The following JAKMIP2 variants were observed in gnomAD, a reference collection of about 807,000 sequenced individuals.
The protein encoded by JAKMIP2 is janus kinase and microtubule-interacting protein 2.
Under a neutral mutation model 115.0 loss-of-function variants are expected in JAKMIP2, and 25 were observed. That is an observed-to-expected ratio of 0.22 (90% confidence interval 0.16 to 0.30). JAKMIP2 has a LOEUF of 0.30. JAKMIP2 is among the 10% of genes least tolerant of loss of function. JAKMIP2 has a pLI of 1.00. For missense variants in JAKMIP2, 642 were observed against 957.6 expected (o/e 0.67, Z 4.35); for synonymous variants, 334 against 343.6 (o/e 0.97, Z 0.31).
Position 147,620,718 on chromosome 5 carries a change from T to G in JAKMIP2, c.2090A>C (p.Tyr697Ser). The change falls in exon 18 of 22, where the codon TAT becomes TCT. Residue 697 changes from tyrosine (Y) to serine (S), a missense_variant. Tyr to Ser is a moderately radical substitution (Grantham distance 144). This residue lies in a region of JAKMIP2 where 68 missense variants were observed against 104.6 expected (regional missense o/e 0.65). Coordinates refer to ENST00000616793, the MANE Select transcript of JAKMIP2 (RefSeq NM_001270941.2). ...DMEQFCKIKG[Y>S]LEEELDYRKQ... ...TCTGTAGTCTAGTTCTTCCTCCAGA[T>G]AGCCTTTTATTTTGCAGAACTGTTC... The G allele has an allele frequency of 6.2e-7, 1 of 1,613,670 alleles. No homozygotes were observed. The highest frequency in any genetic ancestry group is 8.5e-7 in the Non-Finnish European group (1 of 1,179,724).
chr5:147,734,546 A>C (rs1415226493), intron 1 of JAKMIP2, among the ~76,000 whole-genome samples: 1 of 151,740 alleles, frequency 6.6e-6, no homozygotes, highest in Non-Finnish European at 1.5e-5. Flanking sequence ...GAAATACCTA[A>C]TGTTGATGAC....
At chr5:147,757,522 G>C (rs537504143) in intron 1 of JAKMIP2, among the ~76,000 whole-genome samples, 146 of 152,170 alleles carry the variant, frequency 9.6e-4, no homozygotes, top group African/African-American at 3.3e-3. Flanking sequence ...ACTGGTTCTG[G>C]AGTCTAATCG....
intron 1 of JAKMIP2, among the ~76,000 whole-genome samples, chr5:147,773,789 C>T (rs899779186): frequency 1.3e-5 from 2 of 152,072 alleles, no homozygotes; most frequent in Non-Finnish European, 2.9e-5. Context: ...TTTCCCTTGT[C>T]GTAGGCTAAT....
At chr5:147,743,853 G>GCTC (rs903896902) in intron 1 of JAKMIP2, among the ~76,000 whole-genome samples, 5 of 152,078 alleles carry the variant, frequency 3.3e-5, no homozygotes, top group African/African-American at 4.8e-5. Flanking sequence ...ATTGAAATAT[G>GCTC]CTCCTCTGTG....
At chr5:147,754,248 G>A (rs186052032) in intron 1 of JAKMIP2, among the ~76,000 whole-genome samples, 2 of 152,174 alleles carry the variant, frequency 1.3e-5, no homozygotes, top group African/African-American at 4.8e-5. Flanking sequence ...TAAAGCAAGA[G>A]GATGTTTGAA....
chr5:147,615,291 G>T (rs921519276), intron 19 of JAKMIP2, among the ~76,000 whole-genome samples: 9 of 152,138 alleles, frequency 5.9e-5, no homozygotes, highest in African/African-American at 2.2e-4. Flanking sequence ...GAATGGGTTG[G>T]ATCTTAAACT....
At chr5:147,718,760 A>G (rs976439390) in intron 1 of JAKMIP2, among the ~76,000 whole-genome samples, 3 of 152,076 alleles carry the variant, frequency 2.0e-5, no homozygotes, top group Non-Finnish European at 4.4e-5. Context: ...TAGTCTTGCT[A>G]GCAGTCTATC....
At position 147,645,042 on chromosome 5, in the gene JAKMIP2, T is replaced by G. The variant is rs748314909; in HGVS notation, c.937-46A>C. The G allele has an allele frequency of 3.1e-6, 5 of 1,599,244 alleles. No homozygotes were observed. In the East Asian group the frequency reaches 9.0e-5, roughly 29 times the overall value. On this transcript the variant is annotated intron_variant, in intron 5 of 21. Coordinates refer to ENST00000616793, the MANE Select transcript of JAKMIP2 (RefSeq NM_001270941.2). ...ATTTGTGTCTTGCGTTTGGGGGACG[T>G]GGGGGCAGGGGAGTAAAGTGGTGGG...
rs10067083 is a variant in JAKMIP2, at chr5:147,745,793, A to G, written c.-149+36663T>C. ...TACATGATACATGGCATTAACTTCA[A>G]TGTTTGGACTTTAGTTAATTTATTT... On this transcript the variant is annotated intron_variant, in intron 1 of 21. Coordinates refer to ENST00000616793, the MANE Select transcript of JAKMIP2 (RefSeq NM_001270941.2). Among the ~76,000 whole-genome samples the G allele has an allele frequency of 7.8e-3, 1,194 of 152,224 alleles. 11 individuals are homozygous for G. Among genetic ancestry groups the G allele is most frequent in the African/African-American group, 0.026 (1,100 of 41,524 alleles).
intron 3 of JAKMIP2, among the ~76,000 whole-genome samples, chr5:147,657,228 C>T (rs556897838): frequency 2.6e-5 from 4 of 152,256 alleles, no homozygotes; most frequent in South Asian, 2.1e-4. Context: ...TGCAGTGAGC[C>T]GAGATCGCGC....
At chr5:147,606,118 C>T (rs957290614) in intron 20 of JAKMIP2, among the ~76,000 whole-genome samples, 1 of 152,132 alleles carries the variant, frequency 6.6e-6, no homozygotes, top group Non-Finnish European at 1.5e-5. Flanking sequence ...AAAATTCCCT[C>T]CCATTCTGTA....
Position 147,646,100 on chromosome 5 carries a change from G to A in JAKMIP2, c.937-1104C>T, listed in dbSNP as rs569802493. On this transcript the variant is annotated intron_variant, in intron 5 of 21. Transcript: ENST00000616793. ...TATTTGAGAAGACTTTTTAAAGTGC[G>A]CACTACTGTTCTTGAGATTCTAAGA... 1.1e-4 allele frequency among the ~76,000 whole-genome samples: 17 copies of A among 152,256 alleles called. 1 individual carries two copies. The highest frequency in any genetic ancestry group is 3.4e-4 in the African/African-American group (14 of 41,556).
chr5:147,764,965 AGGGGG>A (rs1656256417), intron 1 of JAKMIP2, among the ~76,000 whole-genome samples: 8 of 44,508 alleles, frequency 1.8e-4, no homozygotes, highest in South Asian at 1.9e-3. Context: ...AGAGAGAGAG[AGGGGG>A]AGAGAGAGAG....
chr5:147,634,081 C>A (rs1335990560), intron 12 of JAKMIP2, among the ~76,000 whole-genome samples: 1 of 152,194 alleles, frequency 6.6e-6, no homozygotes, highest in Non-Finnish European at 1.5e-5. Context: ...GTGGGCATTA[C>A]ATACAGTAAC....
intron 1 of JAKMIP2, among the ~76,000 whole-genome samples, chr5:147,760,012 TTGAA>T (rs1022878319): frequency 7.2e-5 from 11 of 151,866 alleles, no homozygotes; most frequent in African/African-American, 2.7e-4. Flanking sequence ...TGTTAACAGA[TTGAA>T]TGAGAGTTAT....
rs369448481 is a variant in JAKMIP2 at position 147,713,501 on chromosome 5, T to C, written c.-148-41547A>G. On this transcript the variant is annotated intron_variant, in intron 1 of 21. Transcript: ENST00000616793. ...TAAAACTGTAGGAAATGATACAATT[T>C]TAAGTACATATGAAATTCTACTTAA... Among the ~76,000 whole-genome samples, 11 of 152,300 alleles carry C rather than the reference T, an allele frequency of 7.2e-5. No individual in the cohort carries two copies. The South Asian group carries it at 2.3e-3, about 32-fold the overall frequency.
At chr5:147,598,870 T>C (rs552910760) in intron 21 of JAKMIP2, among the ~76,000 whole-genome samples, 2 of 152,294 alleles carry the variant, frequency 1.3e-5, no homozygotes, top group Non-Finnish European at 2.9e-5. Context: ...GCAGTAAGCT[T>C]TCACTACCTA....
chr5:147,689,312 T>G (rs1397053633), intron 1 of JAKMIP2, among the ~76,000 whole-genome samples: 1 of 151,946 alleles, frequency 6.6e-6, no homozygotes, highest in Non-Finnish European at 1.5e-5. Context: ...TTACTCAGAG[T>G]GGGTAGGAAG....
At chr5:147,637,087 G>A (rs1217517571) in intron 10 of JAKMIP2, 39 bp from the exon 11 acceptor site, 7 of 848,842 alleles carry the variant, frequency 8.2e-6, no homozygotes, top group Admixed American at 1.7e-5. Context: ...CAAGTAAAAT[G>A]GTTATTCAAT....
Sources: allele counts gnomAD v4.1 joint callset (sites outside exome capture counted in the v4.1 genomes callset), GRCh38; gene constraint gnomAD v4.1.1; regional missense constraint gnomAD v4.1.1; transcripts MANE v1.5; gene names NCBI Gene and HGNC (gene_info 2026-07-23, HGNC 2026-07-21).